ERI1: variants seen among roughly 807,000 people sequenced by gnomAD.
The protein encoded by ERI1 is exoribonuclease 1.
ERI1 carries 39 observed loss-of-function variants against 39.7 expected under a neutral mutation model. That is an observed-to-expected ratio of 0.98 (90% CI 0.76 to 1.28). ERI1 has a LOEUF of 1.28. ERI1 is among the 50% of genes most tolerant of loss of function. ERI1 has a pLI of 0.00. For synonymous variants in ERI1, 204 were observed against 149.6 expected (o/e 1.36, Z -2.65); for missense variants, 581 against 416.9 (o/e 1.39, Z -3.43).
chr8:9,049,977 C>G (rs749665705), intron 3 of ERI1: 1 of 152,176 alleles, frequency 6.6e-6, no homozygotes, highest in Non-Finnish European at 1.5e-5. Context: ...AGGATGAGTT[C>G]TAGACCTGAA....
At chr8:9,098,857 A>T (rs1394116379) in intron 3 of ERI1, among the ~76,000 whole-genome samples, 2 of 152,180 alleles carry the variant, frequency 1.3e-5, no homozygotes, top group African/African-American at 4.8e-5. Context: ...TTTGTTTCAG[A>T]CAGGCTCTCA....
At position 9,032,172 on chromosome 8, in the gene ERI1, T is replaced by G. The variant is rs937569959; in HGVS notation, c.*2138T>G. On this transcript the variant is annotated 3_prime_UTR_variant, in exon 7 of 7. Coordinates refer to ENST00000250263, the MANE Select transcript of ERI1 (RefSeq NM_153332.4). ...GAGTACTGCTTTTTACTCTGACTTT[T>G]ATTGTGTTGTCTTTGAAAGACAAAT... The G allele has an allele frequency of 6.6e-6, 1 of 152,244 alleles. No homozygotes were observed. Among genetic ancestry groups the G allele is most frequent in the African/African-American group, 2.4e-5 (1 of 41,456 alleles). 9.4% of individuals were successfully genotyped at this position (152,244 alleles called of 1,614,324 possible).
chr8:9,018,403 A>T lies in ERI1; in HGVS notation c.689A>T (p.Asp230Val). 6.7e-7 allele frequency: 1 copy of T among 1,489,492 alleles called. No homozygotes were observed. The highest frequency in any genetic ancestry group is 9.3e-7 in the Non-Finnish European group (1 of 1,071,256). The allele number at this position is 1,489,492 out of a possible 1,614,324, so 92.3% of individuals were successfully genotyped here. A position where few individuals can be genotyped will look rare whatever the true frequency, so the allele number is the denominator to read the frequency against. ...GTKYKYSLLT[D>V]GSWDMSKFLN... is the part of the protein sequence containing the mutation. Reference sequence around the variant, plus strand: ...AAGTATAAATACTCACTTTTAACAGATGGGTAAGTATTTAGGAAGATTATT... The same window carrying T: ...AAGTATAAATACTCACTTTTAACAGTTGGGTAAGTATTTAGGAAGATTATT... The change falls in exon 5 of 7, where the codon GAT becomes GTT. Residue 230 changes from aspartate (D) to valine (V), a missense_variant. Coordinates refer to ENST00000250263, the MANE Select transcript of ERI1 (RefSeq NM_153332.4).
intron 3 of ERI1, among the ~76,000 whole-genome samples, chr8:9,053,998 C>T (rs138707203): frequency 6.6e-6 from 1 of 152,302 alleles, no homozygotes; most frequent in East Asian, 1.9e-4. Flanking sequence ...GGGTAAACAA[C>T]ACCCTGTGGC....
At chr8:9,009,501 C>A in intron 2 of ERI1, among the ~76,000 whole-genome samples, 1 of 152,152 alleles carries the variant, frequency 6.6e-6, no homozygotes, top group East Asian at 1.9e-4. Flanking sequence ...TGTTGTGCAA[C>A]CAAAGTTATA....
intron 3 of ERI1, among the ~76,000 whole-genome samples, chr8:9,041,309 TCCCAAGAGAG>T (rs2117346267): frequency 6.6e-6 from 1 of 152,120 alleles, no homozygotes; most frequent in East Asian, 1.9e-4. Flanking sequence ...CCTTGTATTC[TCCCAAGAGAG>T]AATACAAGGA....
Position 9,030,098 on chromosome 8 carries a change from A to G in ERI1, c.*64A>G. ...TATGAAGAGGTAGCAGATGAATCTC[A>G]TTGAATTAGTCCTGTAGTGCAAACT... On this transcript the variant is annotated 3_prime_UTR_variant, in exon 7 of 7. Transcript: ENST00000250263. 6.3e-7 allele frequency: 1 copy of G among 1,590,366 alleles called. No homozygotes were observed.
chr8:9,031,245 T>A lies in ERI1; in HGVS notation c.*1211T>A, dbSNP rs1220347041. 1 of 152,202 alleles carries A rather than the reference T, an allele frequency of 6.6e-6. No individual in the cohort carries two copies. The highest frequency in any genetic ancestry group is 1.5e-5 in the Non-Finnish European group (1 of 68,030). The allele number at this position is 152,202 out of a possible 1,614,324, so 9.4% of individuals were successfully genotyped here. A position where few individuals can be genotyped will look rare whatever the true frequency, so the allele number is the denominator to read the frequency against. ...TAACCAGATGAATTTCCTCAAAGGT[T>A]TCCAAACCTATATCATATAGGGTGA... On this transcript the variant is annotated 3_prime_UTR_variant, in exon 7 of 7. Coordinates refer to ENST00000250263, the MANE Select transcript of ERI1 (RefSeq NM_153332.4).
At chr8:9,003,214 C>A (rs772130293) in intron 1 of ERI1, 43 bp downstream of exon 1, 2 of 1,189,528 alleles carry the variant, frequency 1.7e-6, no homozygotes, top group Non-Finnish European at 2.1e-6. Flanking sequence ...CCAGCTGCCC[C>A]GTCCCCAAAG....
intron 3 of ERI1, among the ~76,000 whole-genome samples, chr8:9,084,217 G>GT (rs1163364039): frequency 2.0e-5 from 3 of 152,092 alleles, no homozygotes; most frequent in Non-Finnish European, 4.4e-5. Context: ...GTGAGCTTTC[G>GT]TGGCATTACT....
chr8:9,083,733 T>A (rs1799438027), intron 3 of ERI1, among the ~76,000 whole-genome samples: 1 of 151,710 alleles, frequency 6.6e-6, no homozygotes, highest in African/African-American at 2.4e-5. Context: ...GTGGGAGAAT[T>A]GCTTGAATCC....
chr8:9,006,961 G>A (rs551462295), intron 1 of ERI1, among the ~76,000 whole-genome samples: 19 of 152,288 alleles, frequency 1.2e-4, no homozygotes, highest in African/African-American at 3.8e-4. Context: ...TACAGTTTAC[G>A]TGAGGACAAT....
At chr8:9,019,666 C>T (rs1447610784) in intron 5 of ERI1, among the ~76,000 whole-genome samples, 1 of 152,238 alleles carries the variant, frequency 6.6e-6, no homozygotes, top group Non-Finnish European at 1.5e-5. Flanking sequence ...GCACTAGTGT[C>T]CTGGGGACAT....
intron 6 of ERI1, among the ~76,000 whole-genome samples, chr8:9,022,153 C>A (rs761188671): frequency 4.6e-5 from 7 of 152,056 alleles, no homozygotes; most frequent in Non-Finnish European, 7.4e-5. Context: ...TTTTTGCTAG[C>A]ATCTGATATT....
intron 4 of ERI1, among the ~76,000 whole-genome samples, chr8:9,017,699 C>G (rs73195801): frequency 0.03 from 4,612 of 152,234 alleles, 101 homozygotes; most frequent in Non-Finnish European, 0.046. Context: ...TGGGAACTGG[C>G]AGACCTACAG....
At chr8:9,070,346 G>A (rs927228715) in intron 3 of ERI1, among the ~76,000 whole-genome samples, 1 of 152,152 alleles carries the variant, frequency 6.6e-6, no homozygotes, top group African/African-American at 2.4e-5. Flanking sequence ...AAAGAAGCAG[G>A]GTGTGGTGGC....
At chr8:9,087,862 C>T (rs375742816) in intron 3 of ERI1, among the ~76,000 whole-genome samples, 3 of 152,276 alleles carry the variant, frequency 2.0e-5, no homozygotes, top group African/African-American at 7.2e-5. Context: ...TCCTCATTTC[C>T]TGGGTGGGAT....
chr8:9,015,680 G>T (rs1346411964), intron 3 of ERI1, among the ~76,000 whole-genome samples: 3 of 127,456 alleles, frequency 2.4e-5, no homozygotes, highest in Non-Finnish European at 4.7e-5. Context: ...CGAGATTGTG[G>T]CAGTGCACTC....
chr8:9,003,271 C>A, intron 1 of ERI1, 100 bp downstream of exon 1: 1 of 698,704 alleles, frequency 1.4e-6, no homozygotes, highest in Non-Finnish European at 2.0e-6. Context: ...GAAGGTGCAG[C>A]TGTGCGCCCT....
Sources: allele counts gnomAD v4.1 joint callset (sites outside exome capture counted in the v4.1 genomes callset), GRCh38; gene constraint gnomAD v4.1.1; transcripts MANE v1.5; gene names NCBI Gene and HGNC (gene_info 2026-07-23, HGNC 2026-07-21).